Variants in TDRD9 observed in about 807,000 individuals in gnomAD.
TDRD9 encodes the protein ATP-dependent RNA helicase TDRD9.
A neutral mutation model predicts 172.6 loss-of-function variants in TDRD9; 124 were observed. The ratio of observed to expected loss-of-function variants is 0.72; its 90% CI spans 0.62 to 0.83. The LOEUF (loss-of-function observed/expected upper bound fraction) is 0.83, where lower values mean the gene tolerates loss of function less well. TDRD9 is among the 40% of genes least tolerant of loss of function. The probability of loss-of-function intolerance (pLI) is 0.00; values close to 1 mark genes in which losing one functional copy is unlikely to be tolerated. For synonymous variants in TDRD9, 619 were observed against 617.1 expected (o/e 1.00, Z -0.05); for missense variants, 1,479 against 1,714.1 (o/e 0.86, Z 2.42).
rs772077271 is a variant in TDRD9 at position 104,004,241 on chromosome 14, G to A, written c.1487G>A (p.Arg496His). ...TTTGCACATCTCTCCTTTGAAGGCC[G>A]TGCTGGACGAGTGTCTAGAGGGTAC... ...SKTSCNQRKG[R>H]AGRVSRGYCY... The change falls in exon 14 of 36, where the codon CGT becomes CAT. Residue 496 changes from arginine to histidine, a missense_variant. Transcript: ENST00000409874. 23 of 1,570,118 alleles carry A rather than the reference G, an allele frequency of 1.5e-5. No individual in the cohort carries two copies. Among genetic ancestry groups the A allele is most frequent in the East Asian group, 4.5e-5 (2 of 44,492 alleles).
intron 7 of TDRD9, among the ~76,000 whole-genome samples, chr14:103,976,504 G>A (rs1024547623): frequency 2.0e-4 from 30 of 151,790 alleles, no homozygotes; most frequent in African/African-American, 6.3e-4. Context: ...CTCATGATCC[G>A]CCCGCCTCAG....
intron 2 of TDRD9, among the ~76,000 whole-genome samples, chr14:103,962,094 G>T (rs757893981): frequency 6.6e-6 from 1 of 152,220 alleles, no homozygotes; most frequent in Non-Finnish European, 1.5e-5. Flanking sequence ...AATTTGTAGT[G>T]CAGCCAGAGA....
At chr14:103,992,319 T>C (rs1434177272) in intron 9 of TDRD9, among the ~76,000 whole-genome samples, 1 of 152,226 alleles carries the variant, frequency 6.6e-6, no homozygotes, top group Non-Finnish European at 1.5e-5. Context: ...TAATGGAGAA[T>C]GAAAAACATG....
chr14:103,982,214 C>T lies in TDRD9; in HGVS notation c.1012-4003C>T, dbSNP rs529272283. On this transcript the variant is annotated intron_variant, in intron 7 of 35. Transcript: ENST00000409874. ...TTCTCTGCTGTCATTTTCTTGTCCA[C>T]ACTGAAACATAACTGAAGCTCTTTC... Among the ~76,000 whole-genome samples the T allele has an allele frequency of 9.8e-5, 15 of 152,344 alleles. No homozygotes were observed. In the South Asian group the frequency reaches 2.9e-3, roughly 29 times the overall value.
intron 2 of TDRD9, among the ~76,000 whole-genome samples, chr14:103,956,107 AAAAAATATATATATAT>A (rs1283691112): frequency 1.0e-4 from 3 of 29,874 alleles, no homozygotes; most frequent in African/African-American, 1.5e-4. Flanking sequence ...AAAAAAAAAA[AAAAAATATATATATAT>A]ATATATATAT....
chr14:103,937,876 T>C (rs1339381281), intron 1 of TDRD9, among the ~76,000 whole-genome samples: 1 of 151,860 alleles, frequency 6.6e-6, no homozygotes, highest in Non-Finnish European at 1.5e-5. Flanking sequence ...TTAATTTTCT[T>C]TTTTGAATGG....
intron 7 of TDRD9, among the ~76,000 whole-genome samples, chr14:103,976,144 G>T (rs1296541328): frequency 6.6e-6 from 1 of 151,974 alleles, no homozygotes; most frequent in Non-Finnish European, 1.5e-5. Flanking sequence ...TTATCTTTCT[G>T]TGCCTGACTT....
chr14:104,046,084 G>A (rs1376423821), intron 34 of TDRD9, among the ~76,000 whole-genome samples: 1 of 152,074 alleles, frequency 6.6e-6, no homozygotes, highest in African/African-American at 2.4e-5. Context: ...AGCCTCCCGA[G>A]TAGCTGGGAT....
At chr14:104,036,473 A>C (rs183700190) in intron 32 of TDRD9, among the ~76,000 whole-genome samples, 2 of 152,330 alleles carry the variant, frequency 1.3e-5, no homozygotes, top group Admixed American at 1.3e-4. Flanking sequence ...AGCAAATAGC[A>C]CGCTGTGCAC....
At chr14:104,030,137 A>G (rs2035238217) in intron 28 of TDRD9, among the ~76,000 whole-genome samples, 1 of 152,166 alleles carries the variant, frequency 6.6e-6, no homozygotes, top group Admixed American at 6.5e-5. Context: ...TTTACATACA[A>G]AAAAGTCCTG....
chr14:103,951,162 CAG>C (rs1202068198), intron 1 of TDRD9, among the ~76,000 whole-genome samples: 1 of 152,142 alleles, frequency 6.6e-6, no homozygotes, highest in Non-Finnish European at 1.5e-5. Context: ...ATCAATTTTT[CAG>C]AGAGTGCCCT....
chr14:103,952,235 T>A (rs1015967828), intron 1 of TDRD9, among the ~76,000 whole-genome samples: 179 of 46,372 alleles, frequency 3.9e-3, no homozygotes, highest in South Asian at 0.022. Flanking sequence ...TTTTTTTTTT[T>A]TTTTTTTTTT....
chr14:103,978,109 C>T (rs1343397927), intron 7 of TDRD9, among the ~76,000 whole-genome samples: 1 of 151,814 alleles, frequency 6.6e-6, no homozygotes, highest in Non-Finnish European at 1.5e-5. Context: ...TAATGTGATG[C>T]CTCTTGCTTT....
intron 20 of TDRD9, among the ~76,000 whole-genome samples, chr14:104,009,085 G>A (rs141667835): frequency 9.4e-4 from 143 of 152,208 alleles, no homozygotes; most frequent in Admixed American, 4.2e-3. Flanking sequence ...CCCACTACAC[G>A]CCTAGGCTGT....
At chr14:103,986,189 T>C in intron 7 of TDRD9, 28 bp from the exon 8 acceptor site, 1 of 1,581,428 alleles carries the variant, frequency 6.3e-7, no homozygotes, top group Non-Finnish European at 8.7e-7. Flanking sequence ...GTTTTCGTAT[T>C]GCGACTTTTT....
chr14:103,964,362 C>T (rs2032641895), intron 3 of TDRD9, among the ~76,000 whole-genome samples: 1 of 152,168 alleles, frequency 6.6e-6, no homozygotes, highest in Non-Finnish European at 1.5e-5. Context: ...GAATTATTTG[C>T]AGATTCATTA....
chr14:104,002,615 T>G (rs887912267), intron 13 of TDRD9, among the ~76,000 whole-genome samples: 1 of 152,186 alleles, frequency 6.6e-6, no homozygotes, highest in African/African-American at 2.4e-5. Flanking sequence ...TAAGAGTGGG[T>G]TATAGTCTTT....
In TDRD9 at chr14:103,971,218, C is replaced by T. The variant is rs190695621; in HGVS notation, c.846+597C>T. ...CAGGATGGTCTTGATCTCCTGACCT[C>T]GTGATCCGCCCGCCTTGGCCTCCCA... On this transcript the variant is annotated intron_variant, in intron 6 of 35. Transcript: ENST00000409874. 3.0e-4 allele frequency among the ~76,000 whole-genome samples: 46 copies of T among 152,006 alleles called. No homozygotes were observed. In the East Asian group the frequency reaches 3.5e-3, roughly 12 times the overall value.
chr14:104,010,322 A>G (rs2034574866), intron 20 of TDRD9, among the ~76,000 whole-genome samples: 1 of 152,072 alleles, frequency 6.6e-6, no homozygotes, highest in Non-Finnish European at 1.5e-5. Context: ...TCTATTTTAA[A>G]AAATAATTTT....
Sources: allele counts gnomAD v4.1 joint callset (sites outside exome capture counted in the v4.1 genomes callset), GRCh38; gene constraint gnomAD v4.1.1; transcripts MANE v1.5; gene names NCBI Gene and HGNC (gene_info 2026-07-23, HGNC 2026-07-21).